The following RTN3 variants were observed in gnomAD, a reference collection of about 807,000 sequenced individuals.
RTN3 encodes reticulon 3.
In RTN3, 49 loss-of-function variants were observed where a neutral mutation model predicts 77.8. That is an observed-to-expected ratio of 0.63 (90% CI 0.50 to 0.80). The LOEUF is 0.80. Ranked by LOEUF, RTN3 falls within the 30% of genes least tolerant of loss-of-function variation. RTN3 has a pLI of 0.00. For missense variants in RTN3, 1,236 were observed against 1,211.9 expected (o/e 1.02, Z -0.29); for synonymous variants, 464 against 446.9 (o/e 1.04, Z -0.48).
In RTN3 at chr11:63,731,087, A is replaced by T. The variant is rs556152; in HGVS notation, c.2530+10055A>T. 6.7e-3 allele frequency among the ~76,000 whole-genome samples: 1,009 copies of T among 149,910 alleles called. 11 individuals carry two copies. Among genetic ancestry groups the T allele is most frequent in the African/African-American group, 0.023 (934 of 40,646 alleles). ...CAAATTTCAAAGGATTTTTTTTTTT[A>T]TTTATTTATTGGAGACACAGTTTCA... On this transcript the variant is annotated intron_variant, in intron 3 of 8. Transcript: ENST00000377819.
chr11:63,730,631 G>T (rs2012622027), intron 3 of RTN3, among the ~76,000 whole-genome samples: 1 of 152,074 alleles, frequency 6.6e-6, no homozygotes, highest in South Asian at 2.1e-4. Context: ...CTACCCTGGA[G>T]TTTTTTTGTA....
At chr11:63,701,935 C>T (rs1942256693) in intron 1 of RTN3, among the ~76,000 whole-genome samples, 2 of 151,950 alleles carry the variant, frequency 1.3e-5, no homozygotes, top group South Asian at 4.1e-4. Context: ...GAAACTTTGT[C>T]TCAAAAATAA....
chr11:63,741,419 C>G (rs1040716706), intron 3 of RTN3, among the ~76,000 whole-genome samples: 1 of 148,942 alleles, frequency 6.7e-6, no homozygotes, highest in Non-Finnish European at 1.5e-5. Context: ...CCAGGCTGTT[C>G]CCAAATTCCT....
chr11:63,744,183 AG>A (rs2013655258), intron 3 of RTN3, among the ~76,000 whole-genome samples: 2 of 126,068 alleles, frequency 1.6e-5, no homozygotes. Flanking sequence ...CAGAGATTGC[AG>A]TGAGCCGAGA....
Position 63,756,187 on chromosome 11 carries a change from AC to A in RTN3, c.3053+19del. On this transcript the variant is annotated intron_variant, in intron 8 of 8. Transcript: ENST00000377819. The stretch of plus-strand genomic sequence containing the variant: ...TGTTGAAAAGTAAGTACATTTAGAG[AC>A]CACATCATCATGAGGTATGCTTCCT... The A allele has an allele frequency of 6.3e-7, 1 of 1,581,000 alleles. No homozygotes were observed. Among genetic ancestry groups the A allele is most frequent in the Non-Finnish European group, 8.7e-7 (1 of 1,150,122 alleles).
intron 2 of RTN3, among the ~76,000 whole-genome samples, chr11:63,709,045 G>A (rs929066957): frequency 2.0e-5 from 3 of 152,164 alleles, no homozygotes; most frequent in Non-Finnish European, 4.4e-5. Flanking sequence ...ACTTGAAAAT[G>A]GTGAAATCAC....
rs1194847630 is a variant in RTN3 at position 63,719,451 on chromosome 11, C to T, written c.949C>T (p.His317Tyr). The T allele has an allele frequency of 3.1e-6, 5 of 1,614,114 alleles. No homozygotes were observed. In the East Asian group the frequency reaches 8.9e-5, roughly 29 times the overall value. ...MSALLSRQFS[H>Y]TNAALEEVSR... ...TGCATTGCTCAGTAGGCAGTTTTCA[C>T]ACACAAATGCAGCACTGGAAGAGGT... Residue 317 changes from histidine to tyrosine, a missense_variant, in exon 3 of 9, where the codon CAC becomes TAC. Physicochemically the swap from His to Tyr is moderately conservative, Grantham distance 83. This residue lies in a region of RTN3 where 1,056 missense variants were observed against 990.4 expected (regional missense o/e 1.07). Transcript: ENST00000377819.
chr11:63,756,903 A>G (rs1230207294), intron 8 of RTN3, among the ~76,000 whole-genome samples: 1 of 152,114 alleles, frequency 6.6e-6, no homozygotes, highest in Non-Finnish European at 1.5e-5. Flanking sequence ...AAAATTAGCC[A>G]GGTGTGGTGG....
intron 3 of RTN3, among the ~76,000 whole-genome samples, chr11:63,743,089 C>T (rs1449448379): frequency 6.6e-6 from 1 of 152,008 alleles, no homozygotes; most frequent in South Asian, 2.1e-4. Context: ...TTAGTAGAGA[C>T]GGGGTTTTGC....
intron 3 of RTN3, among the ~76,000 whole-genome samples, chr11:63,723,526 C>T (rs1020792750): frequency 2.0e-5 from 3 of 151,590 alleles, no homozygotes; most frequent in African/African-American, 7.3e-5. Context: ...AGGGTTCAAG[C>T]GACTCTCCTG....
chr11:63,700,282 C>CTTTTTTTTTTTTTTT lies in RTN3; in HGVS notation c.143-4558_143-4557insTTTTTTTTTTTTTTT, dbSNP rs753369954. On this transcript the variant is annotated intron_variant, in intron 1 of 8. Coordinates refer to ENST00000377819, the MANE Select transcript of RTN3 (RefSeq NM_001265589.2). Reference sequence around the variant, plus strand: ...GAGATAGGAAAACATGATTCTTTTACTTTTTTTTTTTAAGGTAAGGTCTCA... The same window carrying CTTTTTTTTTTTTTTT: ...GAGATAGGAAAACATGATTCTTTTACTTTTTTTTTTTTTTTTTTTTTTTTTTAAGGTAAGGTCTCA... 2.2e-5 allele frequency among the ~76,000 whole-genome samples: 3 copies of CTTTTTTTTTTTTTTT among 133,422 alleles called. 1 individual carries two copies. Among genetic ancestry groups the CTTTTTTTTTTTTTTT allele is most frequent in the Non-Finnish European group, 1.5e-5 (1 of 65,210 alleles). The allele number at this position is 133,422 out of a possible 152,430, so 87.5% of individuals were successfully genotyped here. A position where few individuals can be genotyped will look rare whatever the true frequency, so the allele number is the denominator to read the frequency against.
At chr11:63,682,545 T>G (rs1014757872) in intron 1 of RTN3, among the ~76,000 whole-genome samples, 1 of 151,932 alleles carries the variant, frequency 6.6e-6, no homozygotes, top group African/African-American at 2.4e-5. Context: ...GTCGCTTATA[T>G]TCTAGAAAAT....
At chr11:63,744,634 G>T (rs1278519156) in intron 3 of RTN3, among the ~76,000 whole-genome samples, 1 of 152,128 alleles carries the variant, frequency 6.6e-6, no homozygotes, top group Non-Finnish European at 1.5e-5. Flanking sequence ...TTGTCCACAT[G>T]TCATTTAGTA....
intron 3 of RTN3, among the ~76,000 whole-genome samples, chr11:63,732,558 T>C (rs2012771906): frequency 6.6e-6 from 1 of 151,840 alleles, no homozygotes; most frequent in African/African-American, 2.4e-5. Context: ...ATTCAGATCC[T>C]ACAGATATTA....
intron 3 of RTN3, among the ~76,000 whole-genome samples, chr11:63,745,291 CAA>C (rs1465781656): frequency 6.6e-6 from 1 of 152,172 alleles, no homozygotes; most frequent in East Asian, 1.9e-4. Context: ...TATTAGGAAA[CAA>C]ATGGTTTTGC....
intron 2 of RTN3, among the ~76,000 whole-genome samples, chr11:63,705,451 C>G (rs941628907): frequency 6.6e-6 from 1 of 152,098 alleles, no homozygotes; most frequent in African/African-American, 2.4e-5. Flanking sequence ...CTGCACTCCC[C>G]GCTGGGTGAG....
chr11:63,687,418 ACCAGCC>A (rs1941431396), intron 1 of RTN3, among the ~76,000 whole-genome samples: 1 of 152,174 alleles, frequency 6.6e-6, no homozygotes, highest in African/African-American at 2.4e-5. Flanking sequence ...AGAGTTCGAG[ACCAGCC>A]TGGCCAACAT....
At chr11:63,692,455 A>G (rs1941711960) in intron 1 of RTN3, among the ~76,000 whole-genome samples, 2 of 151,696 alleles carry the variant, frequency 1.3e-5, no homozygotes, top group Non-Finnish European at 2.9e-5. Context: ...CGGCCAAATC[A>G]TATGTTAAAA....
chr11:63,701,718 G>C (rs935029318), intron 1 of RTN3, among the ~76,000 whole-genome samples: 8 of 152,088 alleles, frequency 5.3e-5, no homozygotes, highest in African/African-American at 1.9e-4. Context: ...AGGCTGAGTG[G>C]GAGGACTGCT....
Sources: allele counts gnomAD v4.1 joint callset (sites outside exome capture counted in the v4.1 genomes callset), GRCh38; gene constraint gnomAD v4.1.1; regional missense constraint gnomAD v4.1.1; transcripts MANE v1.5; gene names NCBI Gene and HGNC (gene_info 2026-07-23, HGNC 2026-07-21).